Variants in STAG2 observed in about 807,000 individuals in gnomAD.
STAG2 encodes the protein STAG2 cohesin complex component, also known as cohesin subunit SA-2.
In STAG2, 14 loss-of-function variants were observed where a neutral mutation model predicts 108.1. The observed-to-expected ratio is 0.13, with a 90% CI of 0.09 to 0.20. The LOEUF is 0.20. Ranked by LOEUF, STAG2 falls within the 10% of genes least tolerant of loss-of-function variation. The probability of loss-of-function intolerance (pLI) is 1.00; values close to 1 mark genes in which losing one functional copy is unlikely to be tolerated. For missense variants in STAG2, 440 were observed against 940.9 expected (o/e 0.47, Z 6.96); for synonymous variants, 307 against 302.7 (o/e 1.01, Z -0.15).
At chrX:124,068,491 T>C in intron 23 of STAG2, 73 bp from the exon 24 acceptor site, 1 of 676,530 alleles carries the variant, frequency 1.5e-6, no homozygotes, top group Non-Finnish European at 2.2e-6. Flanking sequence ...TTTTACATAA[T>C]TGAAAACATT....
intron 24 of STAG2, among the ~76,000 whole-genome samples, chrX:124,070,208 T>C (rs751173193): frequency 1.1e-4 from 12 of 112,009 alleles, no homozygotes; most frequent in Non-Finnish European, 2.3e-4. Context: ...ATCCTTACTC[T>C]TTATGTTGCA....
intron 33 of STAG2, among the ~76,000 whole-genome samples, chrX:124,094,677 T>C (rs1184984188): frequency 1.8e-5 from 2 of 111,365 alleles, no homozygotes; most frequent in Non-Finnish European, 3.8e-5. Flanking sequence ...TTGCTACATA[T>C]CTCATTAAAC....
intron 1 of STAG2, among the ~76,000 whole-genome samples, chrX:124,015,316 C>T (rs1448456536): frequency 9.3e-6 from 1 of 107,669 alleles, no homozygotes; most frequent in Non-Finnish European, 1.9e-5. Context: ...ATGTCATTTA[C>T]TTAGAATAGT....
intron 1 of STAG2, among the ~76,000 whole-genome samples, chrX:124,005,104 T>A: frequency 8.9e-6 from 1 of 112,339 alleles, no homozygotes; most frequent in South Asian, 3.7e-4. Flanking sequence ...CCTAATATAA[T>A]ATAAATGCCG....
At chrX:124,033,679 T>C (rs988431153) in intron 5 of STAG2, among the ~76,000 whole-genome samples, 4 of 111,498 alleles carry the variant, frequency 3.6e-5, no homozygotes, top group Admixed American at 1.9e-4. Flanking sequence ...GGAGAATCAC[T>C]TGAACCCTGG....
intron 1 of STAG2, among the ~76,000 whole-genome samples, chrX:124,001,101 T>C (rs182623538): frequency 9.0e-6 from 1 of 111,387 alleles, no homozygotes; most frequent in East Asian, 2.8e-4. Flanking sequence ...AAAATTTTTT[T>C]TTCTTTAGAG....
At chrX:124,008,505 G>A (rs980006265) in intron 1 of STAG2, among the ~76,000 whole-genome samples, 1 of 110,702 alleles carries the variant, frequency 9.0e-6, no homozygotes, top group Non-Finnish European at 1.9e-5. Flanking sequence ...GAGCCACCGT[G>A]CCCAGCCCTA....
rs576870198 is a variant in STAG2, at chrX:124,057,836, C to T, written c.1305-30C>T. 5.5e-4 allele frequency: 537 copies of T among 981,472 alleles called. 1 individual carries two copies. The South Asian group carries it at 0.011, about 21-fold the overall frequency. 80.9% of individuals were successfully genotyped at this position (981,472 alleles called of 1,213,427 possible). The stretch of plus-strand genomic sequence containing the variant: ...TTAGAAAATTTTTTGTTGTTGTTGT[C>T]GTAAAATAAATATTTTACTTTTTTC... On this transcript the variant is annotated intron_variant, in intron 14 of 34. Coordinates refer to ENST00000371145, the MANE Select transcript of STAG2 (RefSeq NM_001042750.2).
chrX:124,029,029 A>AT (rs2057238287), intron 4 of STAG2, among the ~76,000 whole-genome samples: 1 of 98,214 alleles, frequency 1.0e-5, no homozygotes, highest in Non-Finnish European at 2.0e-5. Context: ...TTATTTATTT[A>AT]TTTTTGAGAC....
intron 34 of STAG2, 64 bp from the exon 35 acceptor site, chrX:124,100,510 T>C (rs1257820525): frequency 4.1e-5 from 39 of 946,162 alleles, no homozygotes; most frequent in Non-Finnish European, 5.7e-5. Context: ...GTAATATTTA[T>C]GGATATATTT....
At chrX:124,087,592 G>A (rs2059137709) in intron 30 of STAG2, among the ~76,000 whole-genome samples, 1 of 111,760 alleles carries the variant, frequency 8.9e-6, no homozygotes, top group African/African-American at 3.3e-5. Flanking sequence ...CTCCATGTCA[G>A]CATAACACTA....
At chrX:124,056,981 C>T (rs2058225164) in intron 14 of STAG2, among the ~76,000 whole-genome samples, 1 of 109,212 alleles carries the variant, frequency 9.2e-6, no homozygotes, top group Non-Finnish European at 1.9e-5. Flanking sequence ...TAACCAACCT[C>T]TGCCTCCTGG....
In STAG2 at chrX:124,086,694, G is replaced by A. The variant is rs766948815; in HGVS notation, c.3201G>A (p.Gly1067=). Residue 1067 remains glycine (G), a synonymous_variant, in exon 30 of 35, where the codon GGG becomes GGA. Coordinates refer to ENST00000371145, the MANE Select transcript of STAG2 (RefSeq NM_001042750.2). The part of the protein sequence containing the change: ...MSVISGISSR[G]STVRSKKSKP... The stretch of plus-strand genomic sequence containing the variant: ...TCATTAGTGGAATCAGCAGCCGGGG[G>A]TCAACAGTACGGAGTAAAAAATCAA... 1 of 1,211,473 alleles carries A rather than the reference G, an allele frequency of 8.3e-7. No homozygotes were observed. The highest frequency in any genetic ancestry group is 1.1e-6 in the Non-Finnish European group (1 of 895,473).
chrX:124,074,104 A>G (rs1236250259), intron 25 of STAG2, among the ~76,000 whole-genome samples: 1 of 112,334 alleles, frequency 8.9e-6, no homozygotes, highest in Admixed American at 9.4e-5. Context: ...ATATGAAATG[A>G]GATCTTGCTA....
intron 1 of STAG2, among the ~76,000 whole-genome samples, chrX:123,972,351 A>G (rs1201574669): frequency 2.8e-5 from 3 of 106,947 alleles, no homozygotes; most frequent in African/African-American, 6.9e-5. Flanking sequence ...GCTCACTGCA[A>G]GCTCCACCTC....
At chrX:124,040,200 G>A (rs936656835) in intron 6 of STAG2, among the ~76,000 whole-genome samples, 7 of 111,424 alleles carry the variant, frequency 6.3e-5, no homozygotes, top group African/African-American at 2.3e-4. Flanking sequence ...ATAAGCATCA[G>A]TTATTTTTTC....
At chrX:124,041,540 A>C (rs1273507073) in intron 6 of STAG2, among the ~76,000 whole-genome samples, 1 of 111,429 alleles carries the variant, frequency 9.0e-6, no homozygotes, top group Non-Finnish European at 1.9e-5. Flanking sequence ...GTACCAAGAC[A>C]TTCTTCTTTT....
intron 1 of STAG2, among the ~76,000 whole-genome samples, chrX:123,994,649 G>A (rs2055641079): frequency 8.9e-6 from 1 of 111,785 alleles, no homozygotes; most frequent in African/African-American, 3.3e-5. Context: ...TACAAAGGAA[G>A]GAAATTAAGA....
intron 28 of STAG2, among the ~76,000 whole-genome samples, chrX:124,082,376 A>AC (rs2058983936): frequency 8.9e-6 from 1 of 111,760 alleles, no homozygotes; most frequent in African/African-American, 3.3e-5. Context: ...CTTTAACATA[A>AC]CCAACATTTG....
Sources: allele counts gnomAD v4.1 joint callset (sites outside exome capture counted in the v4.1 genomes callset), GRCh38; gene constraint gnomAD v4.1.1; transcripts MANE v1.5; gene names NCBI Gene and HGNC (gene_info 2026-07-23, HGNC 2026-07-21).